Variants in CUX1 observed in about 807,000 individuals in gnomAD.
CUX1 encodes cut like homeobox 1, also known as protein CASP.
Under a neutral mutation model 158.8 loss-of-function variants are expected in CUX1, and 31 were observed. The ratio of observed to expected loss-of-function variants is 0.20; its 90% confidence interval spans 0.15 to 0.26. The LOEUF (loss-of-function observed/expected upper bound fraction) is 0.26, where lower values mean the gene tolerates loss of function less well. Among genes scored for constraint, CUX1 ranks in the 10% least tolerant of loss-of-function variants. CUX1 has a pLI of 1.00. For synonymous variants in CUX1, 879 were observed against 862.1 expected, an observed-to-expected ratio of 1.02 and a Z score of -0.34; for missense variants, 1,589 against 2,014.6, an observed-to-expected ratio of 0.79 and a Z score of 4.04.
At chr7:102,106,188 A>G (rs546570850) in intron 6 of CUX1, among the ~76,000 whole-genome samples, 29 of 145,410 alleles carry the variant, frequency 2.0e-4, no homozygotes, top group African/African-American at 7.0e-4. Flanking sequence ...CCCAGGTTCA[A>G]GTGATTCTCC....
At chr7:101,921,815 G>A (rs1420431033) in intron 2 of CUX1, among the ~76,000 whole-genome samples, 1 of 152,206 alleles carries the variant, frequency 6.6e-6, no homozygotes, top group Admixed American at 6.5e-5. Context: ...TCAGCTTAAA[G>A]TGTTTCAAAA....
chr7:102,001,783 C>T (rs1286940925), intron 2 of CUX1, among the ~76,000 whole-genome samples: 2 of 152,212 alleles, frequency 1.3e-5, no homozygotes, highest in Non-Finnish European at 2.9e-5. Flanking sequence ...GTGTGCTGAG[C>T]AAAACTCACT....
chr7:101,956,493 G>A (rs1809799616), intron 2 of CUX1, among the ~76,000 whole-genome samples: 1 of 152,180 alleles, frequency 6.6e-6, no homozygotes, highest in Admixed American at 6.5e-5. Context: ...GATGGATTAT[G>A]GAGTCAACGT....
chr7:101,973,076 C>T (rs955034510), intron 2 of CUX1, among the ~76,000 whole-genome samples: 34 of 152,166 alleles, frequency 2.2e-4, no homozygotes, highest in Non-Finnish European at 1.3e-4. Flanking sequence ...TGCACCTTCT[C>T]GTACATTTCA....
At chr7:102,008,236 C>G (rs1817607867) in intron 2 of CUX1, among the ~76,000 whole-genome samples, 1 of 152,180 alleles carries the variant, frequency 6.6e-6, no homozygotes, top group Admixed American at 6.6e-5. Context: ...CTTCGGTGAT[C>G]TGGGAGCCTG....
intron 1 of CUX1, among the ~76,000 whole-genome samples, chr7:101,867,664 G>T (rs956246884): frequency 1.3e-5 from 2 of 152,158 alleles, no homozygotes; most frequent in Admixed American, 1.3e-4. Flanking sequence ...ATTCTGGAAG[G>T]TACCTCCCGG....
At chr7:102,136,445 G>A (rs1399641796) in intron 8 of CUX1, among the ~76,000 whole-genome samples, 1 of 151,346 alleles carries the variant, frequency 6.6e-6, no homozygotes, top group Admixed American at 6.6e-5. Flanking sequence ...ATGCTGGAGT[G>A]CAGTGGCACG....
chr7:102,167,650 G>C (rs1554509214), intron 9 of CUX1, among the ~76,000 whole-genome samples: 1 of 152,212 alleles, frequency 6.6e-6, no homozygotes, highest in African/African-American at 2.4e-5. Flanking sequence ...TTCTGCCCAA[G>C]AGTTGAACTG....
At chr7:102,167,907 G>A (rs1421240619) in intron 9 of CUX1, among the ~76,000 whole-genome samples, 10 of 151,928 alleles carry the variant, frequency 6.6e-5, no homozygotes, top group Admixed American at 4.6e-4. Context: ...GCAAAACCCC[G>A]TCTCTACAAA....
At chr7:102,148,595 T>G (rs1239423896) in intron 8 of CUX1, among the ~76,000 whole-genome samples, 5 of 151,180 alleles carry the variant, frequency 3.3e-5, no homozygotes, top group Admixed American at 6.6e-5. Flanking sequence ...TCTTTTATTT[T>G]AAAAATCTTA....
At chr7:102,048,088 C>T (rs571428957) in intron 3 of CUX1, among the ~76,000 whole-genome samples, 4 of 152,242 alleles carry the variant, frequency 2.6e-5, no homozygotes, top group African/African-American at 9.6e-5. Flanking sequence ...TCCATGATGT[C>T]GCTCACCCTT....
At chr7:102,149,985 C>T (rs1835456056) in intron 8 of CUX1, among the ~76,000 whole-genome samples, 2 of 152,196 alleles carry the variant, frequency 1.3e-5, no homozygotes, top group African/African-American at 4.8e-5. Flanking sequence ...CAGAGCAGGT[C>T]ATCACGTGCA....
At chr7:102,068,960 TAGTC>T (rs1825840384) in intron 3 of CUX1, among the ~76,000 whole-genome samples, 1 of 152,222 alleles carries the variant, frequency 6.6e-6, no homozygotes, top group African/African-American at 2.4e-5. Flanking sequence ...CTGGCTCAGT[TAGTC>T]AGTTCACAAA....
chr7:102,227,951 C>CTTTTT (rs781968632), intron 21 of CUX1, among the ~76,000 whole-genome samples: 10 of 117,292 alleles, frequency 8.5e-5, no homozygotes, highest in African/African-American at 1.3e-4. Context: ...TCTTTTTTTT[C>CTTTTT]TTTTTTTTTT....
intron 3 of CUX1, among the ~76,000 whole-genome samples, chr7:102,046,568 G>GTTTTTTTTTTTTTTTTTTTTTTTTTTTTT (rs1461868011): frequency 1.1e-5 from 1 of 89,504 alleles, no homozygotes; most frequent in Non-Finnish European, 2.2e-5. Flanking sequence ...GTTTGGTTTG[G>GTTTTTTTTTTTTTTTTTTTTTTTTTTTTT]ATTTTTTTTT....
chr7:102,276,065 T>C (rs570069462), intron 17 of CUX1, among the ~76,000 whole-genome samples: 2 of 152,120 alleles, frequency 1.3e-5, no homozygotes, highest in South Asian at 2.1e-4. Context: ...TTATTGTGCA[T>C]ATAGACCACA....
intron 10 of CUX1, among the ~76,000 whole-genome samples, chr7:102,172,206 C>T (rs1791802646): frequency 6.6e-6 from 1 of 152,196 alleles, no homozygotes; most frequent in South Asian, 2.1e-4. Flanking sequence ...ATTCTCGTGC[C>T]TCAGCCTCCC....
intron 2 of CUX1, among the ~76,000 whole-genome samples, chr7:101,925,813 G>C (rs1805517685): frequency 6.6e-6 from 1 of 152,006 alleles, no homozygotes; most frequent in Admixed American, 6.6e-5. Context: ...CGTACCTATG[G>C]TCCCAGCTAC....
At chr7:101,997,893 C>A (rs1816168565) in intron 2 of CUX1, among the ~76,000 whole-genome samples, 1 of 151,124 alleles carries the variant, frequency 6.6e-6, no homozygotes, top group Admixed American at 6.6e-5. Context: ...CACCCCAGTG[C>A]TGCTGGGCCC....
Sources: allele counts gnomAD v4.1 joint callset (sites outside exome capture counted in the v4.1 genomes callset), GRCh38; gene constraint gnomAD v4.1.1; transcripts MANE v1.5; gene names NCBI Gene and HGNC (gene_info 2026-07-23, HGNC 2026-07-21).